PAPPA2: variants seen among roughly 807,000 people sequenced by gnomAD.
PAPPA2 encodes the protein pappalysin-2.
PAPPA2 carries 86 observed loss-of-function variants against 176.4 expected under a neutral mutation model. That is an observed-to-expected ratio of 0.49 (90% CI 0.41 to 0.58). PAPPA2 has a LOEUF of 0.58. Ranked by LOEUF, PAPPA2 falls within the 20% of genes least tolerant of loss-of-function variation. PAPPA2 has a pLI of 0.00. For synonymous variants in PAPPA2, 809 were observed against 852.2 expected, an observed-to-expected ratio of 0.95 and a Z score of 0.88; for missense variants, 2,073 against 2,256.9, an observed-to-expected ratio of 0.92 and a Z score of 1.65.
At chr1:176,615,379 C>G (rs1318840218) in intron 3 of PAPPA2, among the ~76,000 whole-genome samples, 1 of 152,224 alleles carries the variant, frequency 6.6e-6, no homozygotes, top group Non-Finnish European at 1.5e-5. Flanking sequence ...GGCGCCATCT[C>G]GGCTCGCTGC....
At chr1:176,808,582 C>T (rs1246162717) in intron 21 of PAPPA2, among the ~76,000 whole-genome samples, 1 of 152,134 alleles carries the variant, frequency 6.6e-6, no homozygotes, top group Non-Finnish European at 1.5e-5. Context: ...TAAATTGTGA[C>T]TTATCCTGGG....
intron 4 of PAPPA2, among the ~76,000 whole-genome samples, chr1:176,688,085 T>G (rs1659933177): frequency 6.6e-6 from 1 of 152,232 alleles, no homozygotes; most frequent in Admixed American, 6.5e-5. Context: ...ACTTAAACTT[T>G]ATAGGTGAAT....
intron 2 of PAPPA2, among the ~76,000 whole-genome samples, chr1:176,564,941 C>G (rs781641117): frequency 6.6e-6 from 1 of 152,110 alleles, no homozygotes; most frequent in African/African-American, 2.4e-5. Context: ...TCCCTCCCCT[C>G]CTTTCCAAAT....
intron 21 of PAPPA2, among the ~76,000 whole-genome samples, chr1:176,824,599 G>A (rs1306760042): frequency 6.6e-6 from 1 of 152,096 alleles, no homozygotes; most frequent in East Asian, 1.9e-4. Context: ...GAAAACCTTT[G>A]AACAAACAGA....
intron 2 of PAPPA2, among the ~76,000 whole-genome samples, chr1:176,571,108 G>A (rs760158413): frequency 1.3e-5 from 2 of 152,222 alleles, no homozygotes; most frequent in South Asian, 2.1e-4. Flanking sequence ...TTGAATGGAC[G>A]CATGGAGGAC....
At chr1:176,503,179 C>T (rs1648066075) in intron 1 of PAPPA2, among the ~76,000 whole-genome samples, 2 of 152,074 alleles carry the variant, frequency 1.3e-5, no homozygotes, top group African/African-American at 4.8e-5. Context: ...TGTTGACATC[C>T]CTTGGCTTGT....
intron 1 of PAPPA2, among the ~76,000 whole-genome samples, chr1:176,466,041 G>T (rs1651603832): frequency 6.6e-6 from 1 of 151,956 alleles, no homozygotes; most frequent in African/African-American, 2.4e-5. Context: ...AATGTATTAG[G>T]CAACATGCAG....
At chr1:176,711,292 A>G (rs1452111675) in intron 11 of PAPPA2, among the ~76,000 whole-genome samples, 4 of 152,186 alleles carry the variant, frequency 2.6e-5, no homozygotes, top group South Asian at 4.1e-4. Flanking sequence ...AAGTCCTGGC[A>G]TCCGATGACA....
chr1:176,470,103 T>C (rs1651804777), intron 1 of PAPPA2, among the ~76,000 whole-genome samples: 1 of 152,066 alleles, frequency 6.6e-6, no homozygotes, highest in Admixed American at 6.5e-5. Flanking sequence ...CAAATGCAAA[T>C]AATAACAGAA....
chr1:176,481,252 GCACACACACACACACACA>G (rs56206580), intron 1 of PAPPA2, among the ~76,000 whole-genome samples: 10,668 of 140,286 alleles, frequency 0.076, 455 homozygotes, highest in South Asian at 0.18. Flanking sequence ...AGATTTTAAA[GCACACACACACACACACA>G]CACACACACA....
chr1:176,830,809 T>G (rs1274759575), intron 21 of PAPPA2, among the ~76,000 whole-genome samples: 3 of 152,216 alleles, frequency 2.0e-5, no homozygotes, highest in African/African-American at 7.2e-5. Flanking sequence ...GCACAGACTT[T>G]GCTGTGTCAC....
At chr1:176,606,347 C>CT (rs895623678) in intron 3 of PAPPA2, among the ~76,000 whole-genome samples, 3 of 152,078 alleles carry the variant, frequency 2.0e-5, no homozygotes, top group Admixed American at 2.0e-4. Flanking sequence ...TGGATAAAAA[C>CT]TAAGTATTTG....
chr1:176,608,209 T>C (rs1043056104), intron 3 of PAPPA2, among the ~76,000 whole-genome samples: 3 of 152,198 alleles, frequency 2.0e-5, no homozygotes, highest in Non-Finnish European at 4.4e-5. Flanking sequence ...CATTTAAAAA[T>C]ATTTTACATC....
intron 12 of PAPPA2, among the ~76,000 whole-genome samples, chr1:176,738,646 C>A (rs973383450): frequency 1.3e-5 from 2 of 152,052 alleles, no homozygotes; most frequent in African/African-American, 4.8e-5. Flanking sequence ...TCTGATCATA[C>A]AACACCAATA....
At chr1:176,577,442 G>A (rs906915257) in intron 2 of PAPPA2, among the ~76,000 whole-genome samples, 1 of 152,148 alleles carries the variant, frequency 6.6e-6, no homozygotes, top group Admixed American at 6.5e-5. Context: ...CTGGAAAGGT[G>A]CTAGTGAAAC....
chr1:176,693,281 A>G (rs939026362), intron 6 of PAPPA2, among the ~76,000 whole-genome samples: 1 of 152,230 alleles, frequency 6.6e-6, no homozygotes, highest in Non-Finnish European at 1.5e-5. Flanking sequence ...TAGTCTTTGC[A>G]GTAAACGCAG....
intron 21 of PAPPA2, among the ~76,000 whole-genome samples, chr1:176,826,810 C>T (rs73050110): frequency 0.02 from 3,012 of 152,144 alleles, 97 homozygotes; most frequent in African/African-American, 0.069. Flanking sequence ...AGAAAATGTG[C>T]GGGGCCCCTC....
At chr1:176,656,699 C>T (rs1658054080) in intron 3 of PAPPA2, among the ~76,000 whole-genome samples, 1 of 151,704 alleles carries the variant, frequency 6.6e-6, no homozygotes, top group African/African-American at 2.4e-5. Context: ...TCCTCAATTG[C>T]TTTAGAACAT....
At chr1:176,790,832 A>G (rs1665143921) in intron 18 of PAPPA2, among the ~76,000 whole-genome samples, 1 of 152,366 alleles carries the variant, frequency 6.6e-6, no homozygotes, top group South Asian at 2.1e-4. Context: ...ATGTGGAGAA[A>G]GGGAATAGAA....
Sources: gnomAD v4.1 joint callset for allele counts (sites outside exome capture counted in the v4.1 genomes callset) on GRCh38, gnomAD v4.1.1 for gene constraint, MANE v1.5 for transcripts, NCBI Gene and HGNC (gene_info 2026-07-23, HGNC 2026-07-21) for gene names.